LOC400499: variants seen among roughly 807,000 people sequenced by gnomAD.
the LOC400499 span, chr16:11,484,806 G>GTTCAAAA: frequency 2.5e-6 from 1 of 398,088 alleles, no homozygotes; most frequent in African/African-American, 2.1e-5. Context: ...CCAAGTCTCA[G>GTTCAAAA]GTTCAAAAGT....
At chr16:11,425,798 A>G in the LOC400499 span, among the ~76,000 whole-genome samples, 1 of 152,192 alleles carries the variant, frequency 6.6e-6, no homozygotes. Context: ...CACCAATCTC[A>G]TACAAACTCG....
the LOC400499 span, among the ~76,000 whole-genome samples, chr16:11,525,754 A>G: frequency 6.6e-6 from 1 of 152,200 alleles, no homozygotes; most frequent in East Asian, 1.9e-4. Flanking sequence ...GTCTGAGAGC[A>G]TTGTGCTTGA....
the LOC400499 span, chr16:11,401,418 G>T: frequency 2.5e-6 from 1 of 399,550 alleles, no homozygotes; most frequent in Non-Finnish European, 4.4e-6. Flanking sequence ...TAGGGAGGGA[G>T]ACAGACTCAG....
the LOC400499 span, among the ~76,000 whole-genome samples, chr16:11,442,877 T>C: frequency 6.6e-6 from 1 of 152,090 alleles, no homozygotes; most frequent in Non-Finnish European, 1.5e-5. Flanking sequence ...CATTTGTTTC[T>C]CCCTAGAAGC....
At chr16:11,441,679 A>C in the LOC400499 span, among the ~76,000 whole-genome samples, 2 of 152,188 alleles carry the variant, frequency 1.3e-5, no homozygotes, top group Non-Finnish European at 2.9e-5. Context: ...TATGAGACGG[A>C]GGCAGGAGGG....
At chr16:11,393,741 C>T in the LOC400499 span, among the ~76,000 whole-genome samples, 2 of 152,172 alleles carry the variant, frequency 1.3e-5, no homozygotes, top group Non-Finnish European at 2.9e-5. Flanking sequence ...CACGCCATAT[C>T]CCTGTCTAAG....
the LOC400499 span, among the ~76,000 whole-genome samples, chr16:11,391,431 G>C: frequency 3.3e-5 from 5 of 152,338 alleles, no homozygotes; most frequent in East Asian, 7.7e-4. Flanking sequence ...GCATAAGGGA[G>C]ATGAGCTTGG....
the LOC400499 span, among the ~76,000 whole-genome samples, chr16:11,510,312 A>C: frequency 6.6e-6 from 1 of 151,744 alleles, no homozygotes; most frequent in Non-Finnish European, 1.5e-5. Flanking sequence ...ACACAGGTGC[A>C]CACATTCATC....
chr16:11,406,691 C>T, the LOC400499 span, among the ~76,000 whole-genome samples: 3 of 152,234 alleles, frequency 2.0e-5, no homozygotes. Flanking sequence ...CTCGGCCTCC[C>T]AAAGTGCTGG....
At chr16:11,498,742 G>A in the LOC400499 span, among the ~76,000 whole-genome samples, 25 of 151,764 alleles carry the variant, frequency 1.6e-4, no homozygotes, top group Non-Finnish European at 4.4e-5. Flanking sequence ...ATGTGAGGCA[G>A]GTAGAGGAAG....
chr16:11,423,239 G>A, the LOC400499 span: 13 of 399,102 alleles, frequency 3.3e-5, no homozygotes, highest in African/African-American at 6.2e-5. Context: ...TGGGCGAGGC[G>A]TCTCCACTGC....
At chr16:11,413,826 T>C in the LOC400499 span, among the ~76,000 whole-genome samples, 65 of 152,286 alleles carry the variant, frequency 4.3e-4, no homozygotes, top group African/African-American at 1.4e-3. Flanking sequence ...TTATAGGTAA[T>C]ATCATCATCC....
the LOC400499 span, among the ~76,000 whole-genome samples, chr16:11,483,936 T>C: frequency 2.0e-5 from 3 of 149,552 alleles, no homozygotes; most frequent in African/African-American, 7.4e-5. Context: ...AAGAAGTCTA[T>C]GGTGACAGAA....
the LOC400499 span, among the ~76,000 whole-genome samples, chr16:11,452,967 C>T: frequency 6.6e-6 from 1 of 152,196 alleles, no homozygotes; most frequent in Non-Finnish European, 1.5e-5. Context: ...TTTTTTACTT[C>T]CTGAGGGCTT....
the LOC400499 span, among the ~76,000 whole-genome samples, chr16:11,484,719 G>A: frequency 2.2e-3 from 332 of 152,294 alleles, 3 homozygotes; most frequent in African/African-American, 7.7e-3. Context: ...AATAAAGCCA[G>A]CTACCAGTGG....
the LOC400499 span, among the ~76,000 whole-genome samples, chr16:11,378,783 A>G: frequency 6.6e-6 from 1 of 152,200 alleles, no homozygotes; most frequent in Non-Finnish European, 1.5e-5. Context: ...TTTCAAATGT[A>G]TTAAATCTTG....
At chr16:11,424,437 G>T in the LOC400499 span, 1 of 398,842 alleles carries the variant, frequency 2.5e-6, no homozygotes. Flanking sequence ...AACATGACGG[G>T]GGCCTGGCCA....
chr16:11,446,696 G>C, the LOC400499 span: 2 of 1,532,282 alleles, frequency 1.3e-6, no homozygotes, highest in African/African-American at 2.7e-5. Flanking sequence ...GGCAGCTGGG[G>C]CCTTCCTCTG....
chr16:11,382,083 C>T, the LOC400499 span, among the ~76,000 whole-genome samples: 1 of 151,978 alleles, frequency 6.6e-6, no homozygotes. Flanking sequence ...ATTACAGGAG[C>T]CCGCCACCAC....
Sources: allele counts gnomAD v4.1 joint callset (sites outside exome capture counted in the v4.1 genomes callset), GRCh38; gene constraint gnomAD v4.1.1; transcripts MANE v1.5.